Variants in ULK2 observed in about 807,000 individuals in gnomAD.
ULK2 encodes unc-51 like autophagy activating kinase 2.
In ULK2, 76 loss-of-function variants were observed where a neutral mutation model predicts 127.5. The observed-to-expected ratio is 0.60, with a 90% CI of 0.50 to 0.72. The LOEUF (loss-of-function observed/expected upper bound fraction) is 0.72, where lower values mean the gene tolerates loss of function less well. Ranked by LOEUF, ULK2 falls within the 30% of genes least tolerant of loss-of-function variation. The probability of loss-of-function intolerance (pLI) is 0.00; values close to 1 mark genes in which losing one functional copy is unlikely to be tolerated. For missense variants in ULK2, 1,144 were observed against 1,295.9 expected (o/e 0.88, Z 1.80); for synonymous variants, 452 against 461.9 (o/e 0.98, Z 0.28).
intron 13 of ULK2, among the ~76,000 whole-genome samples, chr17:19,815,371 T>C (rs1384359849): frequency 6.6e-6 from 1 of 152,042 alleles, no homozygotes; most frequent in Non-Finnish European, 1.5e-5. Context: ...CCAGTGCTCC[T>C]GGAGGGGGTT....
Position 19,801,799 on chromosome 17 carries a change from C to T in ULK2, c.1419G>A (p.Arg473=). The T allele has an allele frequency of 6.2e-7, 1 of 1,614,084 alleles. No homozygotes were observed. Among genetic ancestry groups the T allele is most frequent in the Non-Finnish European group, 8.5e-7 (1 of 1,180,002 alleles). ...TACCCAAAGGGGAAGGTGAGTAAGG[C>T]CTAGAAGACCCAGTGGAGAGCCTTC... The part of the protein sequence containing the change: ...VGRRLSTGSS[R]PYSPSPLVGT... Residue 473 remains arginine, a synonymous_variant, in exon 16 of 27, where the codon AGG becomes AGA. Coordinates refer to ENST00000395544, the MANE Select transcript of ULK2 (RefSeq NM_014683.4).
chr17:19,860,567 C>T (rs188395329), intron 3 of ULK2, among the ~76,000 whole-genome samples: 14 of 150,622 alleles, frequency 9.3e-5, no homozygotes, highest in African/African-American at 2.9e-4. Context: ...TCTTGTTGCC[C>T]AGGCTGGAGT....
chr17:19,866,809 CG>C (rs1304399595), intron 1 of ULK2, among the ~76,000 whole-genome samples: 1 of 152,024 alleles, frequency 6.6e-6, no homozygotes, highest in Non-Finnish European at 1.5e-5. Flanking sequence ...TATCTGACTC[CG>C]GGGGGGAAAA....
Position 19,774,898 on chromosome 17 carries a change from A to C in ULK2, c.*1451T>G, listed in dbSNP as rs753883992. 10 of 152,672 alleles carry C rather than the reference A, an allele frequency of 6.5e-5. No homozygotes were observed. The highest frequency in any genetic ancestry group is 1.3e-4 in the Non-Finnish European group (9 of 68,050). The allele number at this position is 152,672 out of a possible 1,614,324, so 9.5% of individuals were successfully genotyped here. ...TAGAAACACTGTATTAAAGACCTAA[A>C]AATACAAACGTCATATAAATAAATG... On this transcript the variant is annotated 3_prime_UTR_variant, in exon 27 of 27. Coordinates refer to ENST00000395544, the MANE Select transcript of ULK2 (RefSeq NM_014683.4).
intron 3 of ULK2, among the ~76,000 whole-genome samples, chr17:19,863,516 T>A (rs2042288114): frequency 6.8e-6 from 1 of 146,890 alleles, no homozygotes; most frequent in Non-Finnish European, 1.5e-5. Context: ...TTTTTTTTTT[T>A]AAGAGACGAT....
intron 1 of ULK2, among the ~76,000 whole-genome samples, chr17:19,866,705 G>A (rs2042357934): frequency 6.6e-6 from 1 of 152,174 alleles, no homozygotes; most frequent in Non-Finnish European, 1.5e-5. Flanking sequence ...AACAGCAAAG[G>A]CTTAAAACAA....
chr17:19,781,037 T>C lies in ULK2; in HGVS notation c.2707A>G (p.Lys903Glu), dbSNP rs1375296468. 6.2e-7 allele frequency: 1 copy of C among 1,614,026 alleles called. No homozygotes were observed. The highest frequency in any genetic ancestry group is 1.7e-4 in the Middle Eastern group (1 of 5,996). The stretch of plus-strand genomic sequence containing the variant: ...AGTTTCCCGGACTTGATCTGGGCTT[T>C]GGCAAGATGCAGAGAAGCCGCAAGC... The part of the protein sequence containing the change: ...QLLAASLHLA[K>E]AQIKSGKLSP... Residue 903 changes from lysine to glutamate, a missense_variant, in exon 24 of 27, where the codon AAA becomes GAA. Around this residue, in one of 2 missense-constraint regions of ULK2, gnomAD observed 913 missense variants for 970.5 expected, o/e 0.94. Transcript: ENST00000395544.
chr17:19,849,713 A>C, intron 4 of ULK2, 29 bp downstream of exon 4: 1 of 1,460,770 alleles, frequency 6.8e-7, no homozygotes, highest in Non-Finnish European at 9.2e-7. Flanking sequence ...ATTTGAAATA[A>C]ATTAAACAGA....
rs1450192222 is a variant in ULK2, at chr17:19,825,118, T to C, written c.900A>G (p.Pro300=). ...CTGGTGGAGAAGCAAAACGACAAGA[T>C]GGAGAGCTGCCACAGGAGCTTCCAG... ...SVSGSSCGSS[P]SCRFASPPSL... The change falls in exon 12 of 27, where the codon CCA becomes CCG. Residue 300 remains proline, a synonymous_variant. Coordinates refer to ENST00000395544, the MANE Select transcript of ULK2 (RefSeq NM_014683.4). 3 of 1,614,186 alleles carry C rather than the reference T, an allele frequency of 1.9e-6. No individual in the cohort carries two copies. Among genetic ancestry groups the C allele is most frequent in the East Asian group, 2.2e-5 (1 of 44,888 alleles).
rs1324758167 is a variant in ULK2, at chr17:19,804,822, T to C, written c.1166A>G (p.Gln389Arg). ...NEFLVCGGQC[Q>R]PTVSPHSETA... ...TTCGCTGTGAGGTGACACAGTAGGC[T>C]GACACTGCCTGCAATCGTAATTTAT... Residue 389 changes from glutamine to arginine, a missense_variant, in exon 15 of 27, where the codon CAG becomes CGG. This residue lies in a region of ULK2 where 913 missense variants were observed against 970.5 expected (regional missense o/e 0.94). Coordinates refer to ENST00000395544, the MANE Select transcript of ULK2 (RefSeq NM_014683.4). 1 of 1,610,930 alleles carries C rather than the reference T, an allele frequency of 6.2e-7. No individual in the cohort carries two copies. The highest frequency in any genetic ancestry group is 1.7e-5 in the Admixed American group (1 of 59,422).
chr17:19,815,916 G>C (rs1042355037), intron 13 of ULK2, among the ~76,000 whole-genome samples: 1 of 151,998 alleles, frequency 6.6e-6, no homozygotes, highest in Non-Finnish European at 1.5e-5. Context: ...TACTTTTAAA[G>C]GTAACTCTCA....
chr17:19,779,644 T>C (rs1392961373), intron 25 of ULK2, among the ~76,000 whole-genome samples: 2 of 152,020 alleles, frequency 1.3e-5, no homozygotes, highest in Non-Finnish European at 2.9e-5. Flanking sequence ...TTAGAGTAAT[T>C]TTTCCCCGAG....
chr17:19,817,064 G>T, intron 12 of ULK2, 144 bp from the exon 13 acceptor site: 1 of 650,686 alleles, frequency 1.5e-6, no homozygotes, highest in Non-Finnish European at 2.4e-6. Flanking sequence ...AAATCTCTTT[G>T]GAAAAGCTTT....
intron 20 of ULK2, among the ~76,000 whole-genome samples, chr17:19,787,230 G>A (rs2087053411): frequency 2.0e-5 from 3 of 152,070 alleles, no homozygotes; most frequent in African/African-American, 4.8e-5. Context: ...CTTGTGATCC[G>A]CCCGCCTTGG....
chr17:19,793,043 A>T (rs147213112), intron 20 of ULK2, among the ~76,000 whole-genome samples: 1 of 152,302 alleles, frequency 6.6e-6, no homozygotes, highest in African/African-American at 2.4e-5. Context: ...GAAATTTATA[A>T]AGGAAAGAGG....
In ULK2 at chr17:19,783,799, T is replaced by C; in HGVS notation, c.2358A>G (p.Ala786=). ...AAGGCACGTATCTCAGGCTGGGAGC[T>C]GCCTCTGCTCCTGGAGGGGAAGAGC... ...GFGSSPPGAE[A]APSLRYVPYG... is the part of the protein sequence containing the mutation. Residue 786 remains alanine, a synonymous_variant, in exon 22 of 27, where the codon GCA becomes GCG. Coordinates refer to ENST00000395544, the MANE Select transcript of ULK2 (RefSeq NM_014683.4). 1 of 1,605,004 alleles carries C rather than the reference T, an allele frequency of 6.2e-7. No homozygotes were observed. The highest frequency in any genetic ancestry group is 1.7e-5 in the Admixed American group (1 of 58,812).
intron 13 of ULK2, among the ~76,000 whole-genome samples, chr17:19,814,425 T>C (rs1330381654): frequency 1.3e-4 from 2 of 15,000 alleles, no homozygotes; most frequent in African/African-American, 6.2e-4. Context: ...TATATATATA[T>C]ATATATATAT....
At chr17:19,838,435 T>G (rs192029885) in intron 10 of ULK2, 66 bp downstream of exon 10, 16,349 of 1,388,554 alleles carry the variant, frequency 0.012, 113 homozygotes, top group Non-Finnish European at 0.014. Context: ...ATCTCTAGTT[T>G]TTAAATCTTT....
rs1417289965 is a variant in ULK2 at position 19,812,698 on chromosome 17, G to C, written c.1097-2260C>G. 2.0e-5 allele frequency among the ~76,000 whole-genome samples: 3 copies of C among 152,206 alleles called. No homozygotes were observed. In the East Asian group the frequency reaches 5.8e-4, roughly 29 times the overall value. ...AAAGATCAAAATTCAAAATTTGAGG[G>C]ATGGTTTCTACTGAATGCATATCAT... On this transcript the variant is annotated intron_variant, in intron 13 of 26. Coordinates refer to ENST00000395544, the MANE Select transcript of ULK2 (RefSeq NM_014683.4).
Sources: allele counts gnomAD v4.1 joint callset (sites outside exome capture counted in the v4.1 genomes callset), GRCh38; gene constraint gnomAD v4.1.1; regional missense constraint gnomAD v4.1.1; transcripts MANE v1.5; gene names NCBI Gene and HGNC (gene_info 2026-07-23, HGNC 2026-07-21).